CR1: variants seen among roughly 807,000 people sequenced by gnomAD.
CR1 encodes the protein complement receptor type 1.
CR1 carries 116 observed loss-of-function variants against 187.3 expected under a neutral mutation model. The observed-to-expected ratio is 0.62, with a 90% CI of 0.53 to 0.72. The LOEUF (loss-of-function observed/expected upper bound fraction) is 0.72. CR1 is among the 30% of genes least tolerant of loss of function. CR1 has a pLI of 0.00. For synonymous variants in CR1, 576 were observed against 747.1 expected (o/e 0.77, Z 3.73); for missense variants, 1,731 against 2,110.7 (o/e 0.82, Z 3.52).
chr1:207,502,408 A>C (rs1484799790), intron 1 of CR1, among the ~76,000 whole-genome samples: 1 of 152,146 alleles, frequency 6.6e-6, no homozygotes, highest in Non-Finnish European at 1.5e-5. Context: ...GGGTGTGTTC[A>C]GGGTGGTATG....
At chr1:207,617,417 C>T (rs56158435) in intron 41 of CR1, among the ~76,000 whole-genome samples, 1 of 141,540 alleles carries the variant, frequency 7.1e-6, no homozygotes, top group African/African-American at 2.6e-5. Context: ...TGCAGCAAAC[C>T]AATATGGCAC....
At chr1:207,614,541 C>T in intron 40 of CR1, 52 bp downstream of exon 40, 1 of 1,484,986 alleles carries the variant, frequency 6.7e-7, no homozygotes, top group Non-Finnish European at 9.3e-7. Flanking sequence ...TTTCGTTTTC[C>T]AGCATGTTTT....
chr1:207,607,350 C>A lies in CR1; in HGVS notation c.5896+14C>A, dbSNP rs1451607705. Reference sequence around the variant, plus strand: ...CTATTTGTGAGAGTAAGTTGAAATACTTTTCTCCACAAATTCCTCTGTGTG... The same window carrying A: ...CTATTTGTGAGAGTAAGTTGAAATAATTTTCTCCACAAATTCCTCTGTGTG... On this transcript the variant is annotated intron_variant, in intron 36 of 46. Coordinates refer to ENST00000367049, the MANE Select transcript of CR1 (RefSeq NM_000651.6). The A allele has an allele frequency of 6.3e-7, 1 of 1,584,368 alleles. No individual in the cohort carries two copies. The highest frequency in any genetic ancestry group is 8.7e-7 in the Non-Finnish European group (1 of 1,153,020).
At chr1:207,566,327 T>C (rs1161507129) in intron 24 of CR1, among the ~76,000 whole-genome samples, 1 of 150,234 alleles carries the variant, frequency 6.7e-6, no homozygotes, top group East Asian at 1.9e-4. Context: ...TTCTTTTTCA[T>C]TTTGTTCTCC....
intron 3 of CR1, among the ~76,000 whole-genome samples, chr1:207,509,878 T>C (rs1659560590): frequency 6.6e-6 from 1 of 152,096 alleles, no homozygotes; most frequent in Admixed American, 6.5e-5. Flanking sequence ...GGCAGTGCAA[T>C]AGAAAATGAT....
At chr1:207,630,774 T>G (rs943407929) in intron 46 of CR1, 153 bp downstream of exon 46, 6 of 508,576 alleles carry the variant, frequency 1.2e-5, no homozygotes, top group African/African-American at 2.0e-5. Context: ...TTTTTTTTAT[T>G]GGATTATTAT....
At chr1:207,627,560 C>G (rs1662520510) in intron 45 of CR1, among the ~76,000 whole-genome samples, 1 of 152,196 alleles carries the variant, frequency 6.6e-6, no homozygotes, top group African/African-American at 2.4e-5. Context: ...CTGTCTCAGT[C>G]TGTTGGTATA....
intron 34 of CR1, among the ~76,000 whole-genome samples, chr1:207,588,131 T>C (rs1370020464): frequency 6.6e-6 from 1 of 152,120 alleles, no homozygotes; most frequent in Non-Finnish European, 1.5e-5. Context: ...ATAAATGACT[T>C]GTTTTGTTTT....
chr1:207,623,581 T>C (rs957644684), intron 45 of CR1, among the ~76,000 whole-genome samples: 1 of 141,176 alleles, frequency 7.1e-6, no homozygotes, highest in African/African-American at 2.7e-5. Context: ...TGAGACTACA[T>C]CTCAAAACAC....
chr1:207,501,938 C>A (rs1016379522), intron 1 of CR1, among the ~76,000 whole-genome samples: 2 of 151,408 alleles, frequency 1.3e-5, no homozygotes, highest in Non-Finnish European at 2.9e-5. Context: ...TTTACAGTAT[C>A]CTCAAAGTGC....
chr1:207,577,014 G>A (rs1216648207), intron 28 of CR1, among the ~76,000 whole-genome samples: 1 of 152,162 alleles, frequency 6.6e-6, no homozygotes, highest in Non-Finnish European at 1.5e-5. Flanking sequence ...ACATTAGGAG[G>A]CTGAGGTGGG....
intron 3 of CR1, among the ~76,000 whole-genome samples, chr1:207,508,182 T>G (rs1217849065): frequency 6.6e-6 from 1 of 152,136 alleles, no homozygotes; most frequent in African/African-American, 2.4e-5. Flanking sequence ...ATTTTGAGGG[T>G]AGTGAAACTA....
Position 207,629,337 on chromosome 1 carries a change from C to T in CR1, c.7353-1180C>T, listed in dbSNP as rs112643564. Among the ~76,000 whole-genome samples the T allele has an allele frequency of 3.5e-3, 528 of 152,246 alleles. 2 individuals are homozygous for T. The highest frequency in any genetic ancestry group is 0.012 in the African/African-American group (503 of 41,540). On this transcript the variant is annotated intron_variant, in intron 45 of 46. Coordinates refer to ENST00000367049, the MANE Select transcript of CR1 (RefSeq NM_000651.6). Reference sequence around the variant, plus strand: ...ACCACCAGTAACTAACCAAATAGCTCTTCATTCAACATATACTCACCGAGA... The same window carrying T: ...ACCACCAGTAACTAACCAAATAGCTTTTCATTCAACATATACTCACCGAGA...
Position 207,639,596 on chromosome 1 carries a change from C to A in CR1, c.*187C>A, listed in dbSNP as rs1057227449. On this transcript the variant is annotated 3_prime_UTR_variant, in exon 47 of 47. Transcript: ENST00000367049. ...AGCAAAGCTCCTGCCTCTTTGTGTG[C>A]GTCACTGTGAAACCCCCACCCTTCT... The A allele has an allele frequency of 3.5e-6, 2 of 576,706 alleles. No individual in the cohort carries two copies. Among genetic ancestry groups the A allele is most frequent in the Non-Finnish European group, 3.1e-6 (1 of 325,070 alleles). The allele number at this position is 576,706 out of a possible 1,614,324, so 35.7% of individuals were successfully genotyped here.
intron 1 of CR1, among the ~76,000 whole-genome samples, chr1:207,496,899 A>G (rs1435526625): frequency 4.6e-5 from 7 of 152,174 alleles, no homozygotes; most frequent in Non-Finnish European, 8.8e-5. Context: ...CCTGTCGAGT[A>G]TCTAACACAG....
chr1:207,608,673 T>G (rs765151169), intron 36 of CR1, among the ~76,000 whole-genome samples: 1 of 152,192 alleles, frequency 6.6e-6, no homozygotes, highest in Non-Finnish European at 1.5e-5. Context: ...CATGGCACCT[T>G]TTGTAGGGGG....
intron 43 of CR1, among the ~76,000 whole-genome samples, chr1:207,620,625 C>T (rs775404140): frequency 2.0e-5 from 3 of 152,122 alleles, no homozygotes; most frequent in Non-Finnish European, 4.4e-5. Context: ...TTCCCTTCTC[C>T]CCATCTCTTA....
At chr1:207,505,277 C>T (rs1425167620) in intron 1 of CR1, among the ~76,000 whole-genome samples, 1 of 152,130 alleles carries the variant, frequency 6.6e-6, no homozygotes, top group African/African-American at 2.4e-5. Flanking sequence ...CCTCAGCCTC[C>T]CAAGTAGCTG....
intron 46 of CR1, among the ~76,000 whole-genome samples, chr1:207,635,939 G>A (rs919296273): frequency 2.0e-5 from 3 of 152,206 alleles, no homozygotes; most frequent in Non-Finnish European, 4.4e-5. Context: ...AGGAAGCACA[G>A]GGTTGGGGGT....
Sources: allele counts gnomAD v4.1 joint callset (sites outside exome capture counted in the v4.1 genomes callset), GRCh38; gene constraint gnomAD v4.1.1; transcripts MANE v1.5; gene names NCBI Gene and HGNC (gene_info 2026-07-23, HGNC 2026-07-21).